BCR: variants seen among roughly 807,000 people sequenced by gnomAD.
BCR encodes the protein BCR activator of RhoGEF and GTPase.
A neutral mutation model predicts 138.6 loss-of-function variants in BCR; 58 were observed. The ratio of observed to expected loss-of-function variants is 0.42; its 90% CI spans 0.34 to 0.52. The LOEUF is 0.52. Ranked by LOEUF, BCR falls within the 20% of genes least tolerant of loss-of-function variation. The pLI, the probability that BCR is intolerant of heterozygous loss-of-function variation, is 0.06. For missense variants in BCR, 1,599 were observed against 1,727.2 expected (o/e 0.93, Z 1.32); for synonymous variants, 786 against 730.1 (o/e 1.08, Z -1.23).
rs1490592238 is a variant in BCR, at chr22:23,180,532, T to G, written c.-429T>G. On this transcript the variant is annotated 5_prime_UTR_variant, in exon 1 of 23. Coordinates refer to ENST00000305877, the MANE Select transcript of BCR (RefSeq NM_004327.4). Reference sequence around the variant, plus strand: ...GCGCAGAGTGCGGGCCGGGCGGGAGTGCGGCGAGAGCCGGCTGGCTGAGCT... The same window carrying G: ...GCGCAGAGTGCGGGCCGGGCGGGAGGGCGGCGAGAGCCGGCTGGCTGAGCT... The G allele has an allele frequency of 5.5e-6, 1 of 180,322 alleles. No individual in the cohort carries two copies. The highest frequency in any genetic ancestry group is 2.5e-5 in the African/African-American group (1 of 40,552). 11.2% of individuals were successfully genotyped at this position (180,322 alleles called of 1,614,324 possible). A position where few individuals can be genotyped will look rare whatever the true frequency, so the allele number is the denominator to read the frequency against.
intron 16 of BCR, among the ~76,000 whole-genome samples, chr22:23,304,853 G>A (rs2032112): frequency 0.075 from 11,410 of 152,236 alleles, 464 homozygotes; most frequent in Middle Eastern, 0.11. Flanking sequence ...GGTGGCTTAC[G>A]CCTGTAATCC....
At position 23,271,529 on chromosome 22, in the gene BCR, C is replaced by T; in HGVS notation, c.1861-3C>T. On this transcript the variant is annotated splice_region_variant and splice_polypyrimidine_tract_variant and intron_variant, in intron 5 of 22. Transcript: ENST00000305877. ...GTGTGAACATGCGCTTTTCTCTCTG[C>T]AGAACCTGAGAGCCAGAAGCAACAA... 5.0e-6 allele frequency: 8 copies of T among 1,613,998 alleles called. No homozygotes were observed. Among genetic ancestry groups the T allele is most frequent in the Non-Finnish European group, 5.9e-6 (7 of 1,179,956 alleles).
At chr22:23,215,120 A>G (rs535574250) in intron 1 of BCR, among the ~76,000 whole-genome samples, 52 of 152,342 alleles carry the variant, frequency 3.4e-4, no homozygotes, top group African/African-American at 1.2e-3. Flanking sequence ...TTCACTTAAC[A>G]TAATGTCCTC....
At chr22:23,280,891 A>G (rs996469915) in intron 8 of BCR, among the ~76,000 whole-genome samples, 5 of 152,314 alleles carry the variant, frequency 3.3e-5, no homozygotes, top group Non-Finnish European at 5.9e-5. Context: ...ACAGGGACCC[A>G]TGCCCACACG....
At chr22:23,306,213 G>A (rs780107754) in intron 16 of BCR, 2 of 152,226 alleles carry the variant, frequency 1.3e-5, no homozygotes, top group Non-Finnish European at 2.9e-5. Flanking sequence ...ACAGAGAGGG[G>A]CCCGATAAAG....
At chr22:23,216,167 G>A (rs1472992799) in intron 1 of BCR, among the ~76,000 whole-genome samples, 1 of 152,084 alleles carries the variant, frequency 6.6e-6, no homozygotes, top group African/African-American at 2.4e-5. Context: ...GATTTTTGTG[G>A]GGCCTGGCTT....
chr22:23,297,208 T>TTTTG (rs2073854868), intron 16 of BCR, among the ~76,000 whole-genome samples: 5 of 106,622 alleles, frequency 4.7e-5, no homozygotes, highest in African/African-American at 2.3e-4. Context: ...GGCTAAGTTG[T>TTTTG]TTTTTGTTTT....
chr22:23,193,226 C>T (rs1016478146), intron 1 of BCR, among the ~76,000 whole-genome samples: 3 of 152,220 alleles, frequency 2.0e-5, no homozygotes, highest in African/African-American at 4.8e-5. Context: ...TTCGAAGCAA[C>T]CTACAGGCAA....
At chr22:23,283,894 G>T in intron 8 of BCR, 83 bp from the exon 9 acceptor site, 3 of 1,452,820 alleles carry the variant, frequency 2.1e-6, no homozygotes, top group Non-Finnish European at 2.7e-6. Context: ...GGGTCAACCT[G>T]CTCCTGCTGG....
intron 12 of BCR, among the ~76,000 whole-genome samples, chr22:23,288,901 C>T (rs887428557): frequency 2.6e-5 from 4 of 152,212 alleles, no homozygotes; most frequent in Admixed American, 2.6e-4. Context: ...ATGCCTCTGG[C>T]CTGGCCTGAC....
intron 14 of BCR, 115 bp downstream of exon 14, chr22:23,290,528 CACCTTTG>C: frequency 9.5e-7 from 1 of 1,048,588 alleles, no homozygotes. Flanking sequence ...GACCACGGGA[CACCTTTG>C]ACCCTGGCCG....
chr22:23,287,956 T>G, intron 11 of BCR, 141 bp from the exon 12 acceptor site: 1 of 762,814 alleles, frequency 1.3e-6, no homozygotes, highest in Non-Finnish European at 2.3e-6. Context: ...GGAAGCGACA[T>G]GCCAGGCCGT....
At chr22:23,236,535 G>A (rs888141958) in intron 1 of BCR, among the ~76,000 whole-genome samples, 3 of 152,210 alleles carry the variant, frequency 2.0e-5, no homozygotes, top group African/African-American at 4.8e-5. Context: ...TGGGATTCAG[G>A]CGAGAACAGG....
Position 23,287,147 on chromosome 22 carries a change from A to G in BCR, c.2407-12A>G, listed in dbSNP as rs1272270586. On this transcript the variant is annotated splice_polypyrimidine_tract_variant and intron_variant, in intron 10 of 22. Coordinates refer to ENST00000305877, the MANE Select transcript of BCR (RefSeq NM_004327.4). ...TGGAATGGGAAGGTGAGGCTGTGGCATCTCCCCACAGAGGGCGAACAAGGG... is the reference window on the plus strand; with the variant it reads ...TGGAATGGGAAGGTGAGGCTGTGGCGTCTCCCCACAGAGGGCGAACAAGGG... 6.3e-7 allele frequency: 1 copy of G among 1,575,056 alleles called. No individual in the cohort carries two copies. The highest frequency in any genetic ancestry group is 8.6e-7 in the Non-Finnish European group (1 of 1,159,516).
intron 1 of BCR, among the ~76,000 whole-genome samples, chr22:23,228,006 C>T (rs2072913552): frequency 6.6e-6 from 1 of 152,202 alleles, no homozygotes; most frequent in Admixed American, 6.5e-5. Flanking sequence ...AACTTATGTG[C>T]ACAGAGTTGT....
intron 1 of BCR, among the ~76,000 whole-genome samples, chr22:23,200,900 A>G (rs1237978983): frequency 6.6e-6 from 1 of 152,048 alleles, no homozygotes; most frequent in East Asian, 1.9e-4. Context: ...GTTCATTTGG[A>G]AAAAAGGTTG....
intron 8 of BCR, among the ~76,000 whole-genome samples, chr22:23,275,426 G>A (rs2073564870): frequency 6.6e-6 from 1 of 152,224 alleles, no homozygotes; most frequent in Admixed American, 6.5e-5. Context: ...GCATGATTTA[G>A]TGGCAGTCCT....
chr22:23,203,284 A>G (rs1275412340), intron 1 of BCR, among the ~76,000 whole-genome samples: 3 of 152,218 alleles, frequency 2.0e-5, no homozygotes, highest in East Asian at 1.9e-4. Flanking sequence ...GTCACCTTCC[A>G]GAAATCCTGC....
chr22:23,240,304 T>C (rs1242441320), intron 1 of BCR, among the ~76,000 whole-genome samples: 6 of 29,350 alleles, frequency 2.0e-4, no homozygotes, highest in Admixed American at 6.9e-4. Context: ...TGGCTGATCG[T>C]GTGTGTGTGT....
Sources: allele counts gnomAD v4.1 joint callset (sites outside exome capture counted in the v4.1 genomes callset), GRCh38; gene constraint gnomAD v4.1.1; transcripts MANE v1.5; gene names NCBI Gene and HGNC (gene_info 2026-07-23, HGNC 2026-07-21).